The following ADCYAP1R1 variants were observed in gnomAD, a reference collection of about 807,000 sequenced individuals.
ADCYAP1R1 encodes pituitary adenylate cyclase-activating polypeptide type I receptor.
In ADCYAP1R1, 44 loss-of-function variants were observed where a neutral mutation model predicts 67.6. That is an observed-to-expected ratio of 0.65 (90% CI 0.51 to 0.84). The LOEUF (loss-of-function observed/expected upper bound fraction) is 0.84. ADCYAP1R1 is among the 40% of genes least tolerant of loss of function. The pLI is 0.00. For synonymous variants in ADCYAP1R1, 222 were observed against 219.6 expected (o/e 1.01, Z -0.10); for missense variants, 477 against 587.9 (o/e 0.81, Z 1.95).
Position 31,086,699 on chromosome 7 carries a change from T to G in ADCYAP1R1, c.823+162T>G, listed in dbSNP as rs542404068. Among the ~76,000 whole-genome samples, 1 of 152,168 alleles carries G rather than the reference T, an allele frequency of 6.6e-6. No homozygotes were observed. Among genetic ancestry groups the G allele is most frequent in the Non-Finnish European group, 1.5e-5 (1 of 68,018 alleles). ...GTCTTGGACTCTTTCTCAATCTTCTTGCCTGTGGAAAGCCCACTATCTCAG... is the reference window on the plus strand; with the variant it reads ...GTCTTGGACTCTTTCTCAATCTTCTGGCCTGTGGAAAGCCCACTATCTCAG... On this transcript the variant is annotated intron_variant, in intron 10 of 15. Coordinates refer to ENST00000304166, the MANE Select transcript of ADCYAP1R1 (RefSeq NM_001118.5). This position sits in a 1 kb window ranked among gnomAD's most constrained non-coding sequence, Gnocchi z 5.0.
At chr7:31,094,350 C>T (rs1028085206) in intron 13 of ADCYAP1R1, among the ~76,000 whole-genome samples, 9 of 152,020 alleles carry the variant, frequency 5.9e-5, no homozygotes, top group South Asian at 4.2e-4. Flanking sequence ...AATAGGGCCC[C>T]GCTGCTCGCC....
intron 9 of ADCYAP1R1, 52 bp downstream of exon 9, chr7:31,085,494 A>G: frequency 6.4e-7 from 1 of 1,562,610 alleles, no homozygotes; most frequent in Non-Finnish European, 8.7e-7. Flanking sequence ...GTCCCGCACC[A>G]TCCCCTTGGT....
chr7:31,073,745 G>A (rs1161317282), intron 3 of ADCYAP1R1, among the ~76,000 whole-genome samples: 15 of 152,168 alleles, frequency 9.9e-5, no homozygotes, highest in Admixed American at 9.2e-4. Context: ...GGAGCCCCAG[G>A]GAGGCAGCTG....
intron 15 of ADCYAP1R1, among the ~76,000 whole-genome samples, chr7:31,106,230 C>A (rs1016836331): frequency 5.9e-5 from 9 of 152,224 alleles, no homozygotes; most frequent in Admixed American, 5.2e-4. Context: ...CTCTGCCTGG[C>A]CTGAAAACAA....
intron 2 of ADCYAP1R1, among the ~76,000 whole-genome samples, chr7:31,064,630 T>A (rs1344141993): frequency 6.6e-6 from 1 of 152,174 alleles, no homozygotes; most frequent in East Asian, 1.9e-4. Context: ...AGCCACACAT[T>A]GAGTTGGTGA....
Position 31,110,373 on chromosome 7 carries a change from C to G in ADCYAP1R1, c.*3689C>G, listed in dbSNP as rs1436374686. 2 of 152,094 alleles carry G rather than the reference C, an allele frequency of 1.3e-5. No individual in the cohort carries two copies. Among genetic ancestry groups the G allele is most frequent in the Non-Finnish European group, 2.9e-5 (2 of 68,026 alleles). The allele number at this position is 152,094 out of a possible 1,614,324, so 9.4% of individuals were successfully genotyped here. ...TGGCTTGTTTGACCTTGACTCATTC[C>G]CCATATGTCTTTGAGGAGGCTCACA... On this transcript the variant is annotated 3_prime_UTR_variant, in exon 16 of 16. Transcript: ENST00000304166.
chr7:31,080,709 G>GCA, intron 5 of ADCYAP1R1, 76 bp downstream of exon 5: 3 of 1,507,794 alleles, frequency 2.0e-6, no homozygotes, highest in Non-Finnish European at 2.8e-6. Flanking sequence ...GGAGATCCCA[G>GCA]GCTCCGGCTG....
chr7:31,087,013 T>TG lies in ADCYAP1R1; in HGVS notation c.884+11dup, dbSNP rs758691497. The TG allele has an allele frequency of 3.1e-6, 5 of 1,614,150 alleles. No homozygotes were observed. In the South Asian group the frequency reaches 4.4e-5, roughly 14 times the overall value. ...ACTTTGATGACACAGGGTTAGTACA[T>TG]GCGCGAGAGTCAGGGCCACAGCACA... On this transcript the variant is annotated intron_variant, in intron 11 of 15. Coordinates refer to ENST00000304166, the MANE Select transcript of ADCYAP1R1 (RefSeq NM_001118.5).
In ADCYAP1R1 at chr7:31,110,807, T is replaced by G. The variant is rs1796836201; in HGVS notation, c.*4123T>G. On this transcript the variant is annotated 3_prime_UTR_variant, in exon 16 of 16. Coordinates refer to ENST00000304166, the MANE Select transcript of ADCYAP1R1 (RefSeq NM_001118.5). ...AATGGGGAGGACTTCATTGGCATTG[T>G]TAGTCCCACAGGCCAAGGATAAGGT... 1 of 152,248 alleles carries G rather than the reference T, an allele frequency of 6.6e-6. No individual in the cohort carries two copies. Among genetic ancestry groups the G allele is most frequent in the African/African-American group, 2.4e-5 (1 of 41,456 alleles). The allele number at this position is 152,248 out of a possible 1,614,324, so 9.4% of individuals were successfully genotyped here.
intron 2 of ADCYAP1R1, among the ~76,000 whole-genome samples, chr7:31,064,479 A>T (rs1348798501): frequency 6.6e-6 from 1 of 152,244 alleles, no homozygotes; most frequent in Non-Finnish European, 1.5e-5. Flanking sequence ...ATAGTACTTC[A>T]TAGTACTCTC....
rs984493386 is a variant in ADCYAP1R1 at position 31,102,986 on chromosome 7, C to T, written c.1047-251C>T. Among the ~76,000 whole-genome samples the T allele has an allele frequency of 1.3e-5, 2 of 152,194 alleles. No individual in the cohort carries two copies. Among genetic ancestry groups the T allele is most frequent in the South Asian group, 2.1e-4 (1 of 4,834 alleles). ...CGTCACCCAAGGGGTCCCTGTAAAT[C>T]GTGTGCACATTTTTAGTGGTTCTAC... On this transcript the variant is annotated intron_variant, in intron 13 of 15. Transcript: ENST00000304166. The surrounding 1 kb of genome is among the most constrained non-coding windows in gnomAD (Gnocchi z 4.3).
intron 4 of ADCYAP1R1, among the ~76,000 whole-genome samples, chr7:31,079,234 C>T (rs557884273): frequency 1.8e-4 from 27 of 152,342 alleles, no homozygotes; most frequent in African/African-American, 6.0e-4. Context: ...CTGTGAACTC[C>T]TCCATGGGCC....
Position 31,069,787 on chromosome 7 carries a change from A to G in ADCYAP1R1, c.157+4851A>G, listed in dbSNP as rs900871943. On this transcript the variant is annotated intron_variant, in intron 3 of 15. Transcript: ENST00000304166. ...GGCACCCATGGTAGCAGGCAGCTTA[A>G]TGGGGGTGAAAAATAGAGCCCAGAG... Among the ~76,000 whole-genome samples, 32 of 152,160 alleles carry G rather than the reference A, an allele frequency of 2.1e-4. 1 individual carries two copies. Among genetic ancestry groups the G allele is most frequent in the Non-Finnish European group, 5.9e-5 (4 of 68,026 alleles).
At chr7:31,088,475 G>A (rs896831485) in intron 12 of ADCYAP1R1, among the ~76,000 whole-genome samples, 29 of 152,144 alleles carry the variant, frequency 1.9e-4, no homozygotes, top group African/African-American at 5.3e-4. Flanking sequence ...CACTTTTGTG[G>A]ATGTAAAACA....
In ADCYAP1R1 at chr7:31,078,127, C is replaced by T. The variant is rs140643573; in HGVS notation, c.265+29C>T. 3,796 of 1,559,182 alleles carry T rather than the reference C, an allele frequency of 2.4e-3. 41 individuals are homozygous for T. The highest frequency in any genetic ancestry group is 0.014 in the Middle Eastern group (84 of 5,816). ...GGTTTAGCCCAGTCTCTTTAGGCCACGCTGGCCTAGCCTGCTCCCCAAATT... is the reference window on the plus strand; with the variant it reads ...GGTTTAGCCCAGTCTCTTTAGGCCATGCTGGCCTAGCCTGCTCCCCAAATT... On this transcript the variant is annotated intron_variant, in intron 4 of 15. Transcript: ENST00000304166.
At chr7:31,060,633 AG>A (rs2128614876) in intron 1 of ADCYAP1R1, among the ~76,000 whole-genome samples, 1 of 151,854 alleles carries the variant, frequency 6.6e-6, no homozygotes, top group Non-Finnish European at 1.5e-5. Context: ...TTGTCTCTGT[AG>A]GGTTGACATG....
intron 3 of ADCYAP1R1, among the ~76,000 whole-genome samples, chr7:31,067,801 G>C (rs1794805080): frequency 1.3e-5 from 2 of 152,208 alleles, no homozygotes; most frequent in South Asian, 4.1e-4. Context: ...TGCATTAAGT[G>C]ATAAAAGCCT....
intron 13 of ADCYAP1R1, among the ~76,000 whole-genome samples, chr7:31,096,037 G>T (rs1161042632): frequency 6.6e-6 from 1 of 152,170 alleles, no homozygotes; most frequent in Non-Finnish European, 1.5e-5. Flanking sequence ...CTCAGCTGGG[G>T]TTGGCATTAA....
chr7:31,062,220 C>T (rs771075360), intron 1 of ADCYAP1R1, among the ~76,000 whole-genome samples: 3 of 152,142 alleles, frequency 2.0e-5, no homozygotes, highest in Admixed American at 6.5e-5. Context: ...ATACTCTTCC[C>T]CTGGGAGCGT....
Sources: gnomAD v4.1 joint callset for allele counts (sites outside exome capture counted in the v4.1 genomes callset) on GRCh38, gnomAD v4.1.1 for gene constraint, Gnocchi (gnomAD v3.1) non-coding constraint, MANE v1.5 for transcripts, NCBI Gene and HGNC (gene_info 2026-07-23, HGNC 2026-07-21) for gene names.